ERC2: variants seen among roughly 807,000 people sequenced by gnomAD.
The protein encoded by ERC2 is ERC protein 2.
In ERC2, 42 loss-of-function variants were observed where a neutral mutation model predicts 114.8. The ratio of observed to expected loss-of-function variants is 0.37; its 90% CI spans 0.29 to 0.47. The LOEUF is 0.47. ERC2 is among the 20% of genes least tolerant of loss of function. The pLI, the probability that ERC2 is intolerant of heterozygous loss-of-function variation, is 0.99. For missense variants in ERC2, 939 were observed against 1,150.7 expected, an observed-to-expected ratio of 0.82 and a Z score of 2.66; for synonymous variants, 454 against 425.5, an observed-to-expected ratio of 1.07 and a Z score of -0.82.
intron 14 of ERC2, among the ~76,000 whole-genome samples, chr3:55,735,150 A>G (rs1347486705): frequency 6.6e-6 from 1 of 152,142 alleles, no homozygotes; most frequent in African/African-American, 2.4e-5. Flanking sequence ...ATGGCTTCAC[A>G]TGTTATAAAT....
chr3:56,327,894 G>T (rs1228140472), intron 2 of ERC2, among the ~76,000 whole-genome samples: 2 of 152,154 alleles, frequency 1.3e-5, no homozygotes, highest in African/African-American at 4.8e-5. Flanking sequence ...TTCCTTTATA[G>T]GATTCACACT....
At chr3:55,654,918 C>T (rs1007230806) in intron 17 of ERC2, among the ~76,000 whole-genome samples, 3 of 152,194 alleles carry the variant, frequency 2.0e-5, no homozygotes, top group African/African-American at 4.8e-5. Flanking sequence ...CTGCTAGGCT[C>T]GACCATTTCA....
intron 16 of ERC2, among the ~76,000 whole-genome samples, chr3:55,686,350 T>C (rs2062331240): frequency 6.6e-6 from 1 of 152,228 alleles, no homozygotes; most frequent in African/African-American, 2.4e-5. Flanking sequence ...TTTTTAAAGT[T>C]TAAAGTTTTT....
rs867718882 is a variant in ERC2 at position 56,314,485 on chromosome 3, G to C, written c.658-18050C>G. On this transcript the variant is annotated intron_variant, in intron 2 of 17. Transcript: ENST00000288221. ...GTTCCAGAATGCAGTGCAAACAGGT[G>C]AAACTGCAATTCCAGTGGGTGGGGG... is the stretch of plus-strand genomic sequence containing the variant. Among the ~76,000 whole-genome samples, 4 of 105,064 alleles carry C rather than the reference G, an allele frequency of 3.8e-5. No homozygotes were observed. In the South Asian group the frequency reaches 1.1e-3, roughly 28 times the overall value. 68.9% of individuals were successfully genotyped at this position (105,064 alleles called of 152,430 possible). A position where few individuals can be genotyped will look rare whatever the true frequency, so the allele number is the denominator to read the frequency against.
At chr3:56,429,332 T>A (rs1302613227) in intron 2 of ERC2, among the ~76,000 whole-genome samples, 4 of 152,246 alleles carry the variant, frequency 2.6e-5, no homozygotes. Context: ...CTACCTCGCG[T>A]AACAGTGTAG....
In ERC2 at chr3:56,178,131, G is replaced by A. The variant is rs115623887; in HGVS notation, c.1075-4611C>T. ...GTTCATCAGAATGATACTTCTTGGC[G>A]TTAATGAGAGTCTAGAGTCAGTGGG... On this transcript the variant is annotated intron_variant, in intron 3 of 17. Coordinates refer to ENST00000288221, the MANE Select transcript of ERC2 (RefSeq NM_015576.3). Among the ~76,000 whole-genome samples the A allele has an allele frequency of 6.4e-3, 979 of 152,274 alleles. 7 individuals are homozygous for A. Among genetic ancestry groups the A allele is most frequent in the Non-Finnish European group, 1.0e-2 (677 of 68,022 alleles).
At chr3:55,678,699 G>A (rs557876244) in intron 17 of ERC2, among the ~76,000 whole-genome samples, 3 of 152,294 alleles carry the variant, frequency 2.0e-5, no homozygotes, top group Non-Finnish European at 4.4e-5. Flanking sequence ...AAACAGCCAA[G>A]GTCAAAAGCC....
intron 2 of ERC2, among the ~76,000 whole-genome samples, chr3:56,299,202 A>G (rs2055689417): frequency 6.9e-6 from 1 of 145,294 alleles, no homozygotes; most frequent in Non-Finnish European, 1.5e-5. Flanking sequence ...ATCTTGGCTC[A>G]CTGCAAGCTC....
At chr3:56,091,732 G>A (rs1013560756) in intron 6 of ERC2, among the ~76,000 whole-genome samples, 1 of 152,144 alleles carries the variant, frequency 6.6e-6, no homozygotes. Flanking sequence ...CTGCTTTTAG[G>A]TCTTTTGCTA....
At chr3:55,660,755 G>T (rs1299855454) in intron 17 of ERC2, among the ~76,000 whole-genome samples, 1 of 152,156 alleles carries the variant, frequency 6.6e-6, no homozygotes, top group Non-Finnish European at 1.5e-5. Context: ...CACAGACATG[G>T]GTTTGAGTCC....
intron 13 of ERC2, among the ~76,000 whole-genome samples, chr3:55,940,464 G>C (rs2066717540): frequency 6.6e-6 from 1 of 152,070 alleles, no homozygotes; most frequent in African/African-American, 2.4e-5. Flanking sequence ...CAAGAGCCAA[G>C]AGTCCAGCTG....
At chr3:56,361,320 G>C (rs552359770) in intron 2 of ERC2, among the ~76,000 whole-genome samples, 1 of 152,232 alleles carries the variant, frequency 6.6e-6, no homozygotes, top group East Asian at 1.9e-4. Flanking sequence ...GAAACATGAA[G>C]AAAAGATGAT....
At chr3:56,312,248 T>C (rs181437388) in intron 2 of ERC2, among the ~76,000 whole-genome samples, 112 of 152,254 alleles carry the variant, frequency 7.4e-4, no homozygotes, top group African/African-American at 2.6e-3. Flanking sequence ...CTGCTACTTA[T>C]TGTTGTCATA....
intron 14 of ERC2, among the ~76,000 whole-genome samples, chr3:55,805,096 A>C (rs1010886939): frequency 8.6e-5 from 13 of 151,976 alleles, no homozygotes; most frequent in African/African-American, 2.9e-4. Context: ...GAAGACAGGG[A>C]CCCTACTAAC....
chr3:56,221,053 A>G (rs981792341), intron 3 of ERC2, among the ~76,000 whole-genome samples: 4 of 152,224 alleles, frequency 2.6e-5, no homozygotes, highest in African/African-American at 9.6e-5. Flanking sequence ...CTCTAATACT[A>G]TGATAGATGA....
At chr3:56,402,494 G>A (rs1263807459) in intron 2 of ERC2, among the ~76,000 whole-genome samples, 7 of 151,998 alleles carry the variant, frequency 4.6e-5, no homozygotes, top group East Asian at 3.9e-4. Context: ...GTCAAGTCCC[G>A]CCTCCTATCT....
At chr3:56,313,446 TC>T (rs1012751271) in intron 2 of ERC2, among the ~76,000 whole-genome samples, 7 of 152,144 alleles carry the variant, frequency 4.6e-5, no homozygotes, top group Non-Finnish European at 7.4e-5. Context: ...AAATATTTTT[TC>T]CAAGAATAAC....
intron 14 of ERC2, among the ~76,000 whole-genome samples, chr3:55,839,322 C>CA (rs1230885142): frequency 6.6e-6 from 1 of 151,458 alleles, no homozygotes; most frequent in Non-Finnish European, 1.5e-5. Context: ...ATCTGCACCA[C>CA]AAAAAAATGT....
At position 55,681,240 on chromosome 3, in the gene ERC2, T is replaced by C. The variant is rs182963338; in HGVS notation, c.*39+2554A>G. 1.3e-3 allele frequency among the ~76,000 whole-genome samples: 199 copies of C among 152,362 alleles called. 1 individual carries two copies. Among genetic ancestry groups the C allele is most frequent in the Non-Finnish European group, 7.3e-4 (50 of 68,032 alleles). On this transcript the variant is annotated intron_variant, in intron 17 of 17. Coordinates refer to ENST00000288221, the MANE Select transcript of ERC2 (RefSeq NM_015576.3). ...AAGGGAGGAGCTGATGGGGTTGTTA[T>C]GCTAATTCCAATTTGTTGTAATTTT...
Sources: allele counts gnomAD v4.1 joint callset (sites outside exome capture counted in the v4.1 genomes callset), GRCh38; gene constraint gnomAD v4.1.1; transcripts MANE v1.5; gene names NCBI Gene and HGNC (gene_info 2026-07-23, HGNC 2026-07-21).